The following SLC14A2 variants were observed in gnomAD, a reference collection of about 807,000 sequenced individuals.
The protein encoded by SLC14A2 is urea transporter 2.
A neutral mutation model predicts 104.6 loss-of-function variants in SLC14A2; 91 were observed. The observed-to-expected ratio is 0.87, with a 90% CI of 0.73 to 1.04. SLC14A2 has a LOEUF of 1.04. SLC14A2 is among the 50% of genes least tolerant of loss of function. The pLI is 0.00. For missense variants in SLC14A2, 1,189 were observed against 1,156.0 expected (o/e 1.03, Z -0.41); for synonymous variants, 476 against 466.4 (o/e 1.02, Z -0.27).
chr18:45,522,606 T>C (rs1410401848), intron 2 of SLC14A2, among the ~76,000 whole-genome samples: 1 of 152,186 alleles, frequency 6.6e-6, no homozygotes, highest in Non-Finnish European at 1.5e-5. Flanking sequence ...TCCATCGACC[T>C]CTAAAATAGA....
intron 2 of SLC14A2, among the ~76,000 whole-genome samples, chr18:45,521,337 A>C (rs1288876555): frequency 6.6e-6 from 1 of 152,232 alleles, no homozygotes; most frequent in Non-Finnish European, 1.5e-5. Flanking sequence ...CATTGTGCTA[A>C]GGACTACTGG....
intron 1 of SLC14A2, among the ~76,000 whole-genome samples, chr18:45,316,826 G>C (rs1394147670): frequency 6.6e-6 from 1 of 152,192 alleles, no homozygotes; most frequent in Admixed American, 6.5e-5. Context: ...TTCAAGGACA[G>C]TGCTCCATGA....
chr18:45,653,934 T>C (rs1341227536), intron 10 of SLC14A2, among the ~76,000 whole-genome samples: 2 of 152,134 alleles, frequency 1.3e-5, no homozygotes, highest in African/African-American at 2.4e-5. Context: ...AAATAATAGC[T>C]TTAAAGGCAA....
intron 2 of SLC14A2, among the ~76,000 whole-genome samples, chr18:45,538,882 T>C (rs1433721666): frequency 2.0e-5 from 3 of 149,022 alleles, no homozygotes; most frequent in Non-Finnish European, 3.0e-5. Context: ...GCTTGCTTTC[T>C]TTCCTTCCTT....
At chr18:45,407,899 A>T (rs117852133) in intron 1 of SLC14A2, among the ~76,000 whole-genome samples, 2,039 of 152,286 alleles carry the variant, frequency 0.013, 23 homozygotes, top group Non-Finnish European at 0.02. Context: ...CTGATCACAG[A>T]TCACCATAAC....
At chr18:45,617,611 A>C (rs550609479) in intron 1 of SLC14A2, among the ~76,000 whole-genome samples, 1 of 152,180 alleles carries the variant, frequency 6.6e-6, no homozygotes. Context: ...TGGACTGTTT[A>C]CCTGCCTTGT....
intron 1 of SLC14A2, among the ~76,000 whole-genome samples, chr18:45,475,676 T>TG (rs1360330087): frequency 1.5e-4 from 14 of 91,014 alleles, no homozygotes; most frequent in Non-Finnish European, 2.5e-4. Flanking sequence ...TATATATATA[T>TG]ATATATATAT....
chr18:45,372,143 C>G (rs967924316), intron 1 of SLC14A2, among the ~76,000 whole-genome samples: 4 of 152,006 alleles, frequency 2.6e-5, no homozygotes, highest in Non-Finnish European at 4.4e-5. Context: ...AAAACTCCAT[C>G]TCTACTAAAA....
In SLC14A2 at chr18:45,666,229, G is replaced by A. The variant is rs2046021471; in HGVS notation, c.1557+10G>A. On this transcript the variant is annotated intron_variant, in intron 12 of 19. Transcript: ENST00000255226. ...CACAGTCGAGCTGCTTGTGAGTACTGAGTGTCCTGAATCAGGGACAGCGCC... is the reference window on the plus strand; with the variant it reads ...CACAGTCGAGCTGCTTGTGAGTACTAAGTGTCCTGAATCAGGGACAGCGCC... 7 of 1,586,874 alleles carry A rather than the reference G, an allele frequency of 4.4e-6. No individual in the cohort carries two copies. Among genetic ancestry groups the A allele is most frequent in the Non-Finnish European group, 6.1e-6 (7 of 1,155,092 alleles).
chr18:45,225,549 G>A (rs12150826), intron 1 of SLC14A2, among the ~76,000 whole-genome samples: 16,922 of 152,140 alleles, frequency 0.11, 962 homozygotes, highest in Non-Finnish European at 0.12. Context: ...GTAGCTGGAT[G>A]GGGATGGCAT....
intron 2 of SLC14A2, among the ~76,000 whole-genome samples, chr18:45,531,313 C>G (rs962760217): frequency 6.6e-6 from 1 of 152,132 alleles, no homozygotes; most frequent in African/African-American, 2.4e-5. Flanking sequence ...TACAGTCCCA[C>G]CAACAGTGTA....
intron 1 of SLC14A2, among the ~76,000 whole-genome samples, chr18:45,475,087 T>C (rs1423578465): frequency 6.6e-6 from 1 of 152,236 alleles, no homozygotes; most frequent in Non-Finnish European, 1.5e-5. Context: ...GTCTTTCTTC[T>C]CATTGGTTTC....
At chr18:45,327,244 T>C (rs959683928) in intron 1 of SLC14A2, among the ~76,000 whole-genome samples, 4 of 134,602 alleles carry the variant, frequency 3.0e-5, no homozygotes, top group African/African-American at 9.0e-5. Flanking sequence ...ATGTAATTAG[T>C]ATATTTTTTT....
chr18:45,511,974 A>G (rs1156613371), intron 2 of SLC14A2, among the ~76,000 whole-genome samples: 1 of 152,144 alleles, frequency 6.6e-6, no homozygotes, highest in Admixed American at 6.6e-5. Flanking sequence ...CAAGGCATTG[A>G]CCCTGAAGAA....
chr18:45,230,976 GAAC>G (rs2144020406), intron 1 of SLC14A2, among the ~76,000 whole-genome samples: 1 of 152,182 alleles, frequency 6.6e-6, no homozygotes, highest in Admixed American at 6.5e-5. Context: ...TCTTTAACAA[GAAC>G]AACAACAACA....
chr18:45,445,510 G>A (rs1326939823), intron 1 of SLC14A2, among the ~76,000 whole-genome samples: 3 of 152,182 alleles, frequency 2.0e-5, no homozygotes, highest in Non-Finnish European at 2.9e-5. Flanking sequence ...TGAGTCTGTG[G>A]TGGTCTTTTC....
At chr18:45,370,646 C>G (rs762710851) in intron 1 of SLC14A2, among the ~76,000 whole-genome samples, 6 of 151,960 alleles carry the variant, frequency 3.9e-5, no homozygotes, top group Non-Finnish European at 8.8e-5. Flanking sequence ...GCAGGGCGCC[C>G]AGAAAGAGTG....
At chr18:45,599,630 G>C (rs749618671) in intron 2 of SLC14A2, among the ~76,000 whole-genome samples, 1 of 152,186 alleles carries the variant, frequency 6.6e-6, no homozygotes, top group Non-Finnish European at 1.5e-5. Context: ...CCTCCGGCAG[G>C]GACACGGGTA....
chr18:45,396,863 T>C (rs2086039599), intron 1 of SLC14A2, among the ~76,000 whole-genome samples: 1 of 152,048 alleles, frequency 6.6e-6, no homozygotes, highest in Admixed American at 6.6e-5. Context: ...GTTGTTCCCT[T>C]TGTGTTCATG....
Sources: gnomAD v4.1 joint callset for allele counts (sites outside exome capture counted in the v4.1 genomes callset) on GRCh38, gnomAD v4.1.1 for gene constraint, MANE v1.5 for transcripts, NCBI Gene and HGNC (gene_info 2026-07-23, HGNC 2026-07-21) for gene names.